The following ABR variants were observed in gnomAD, a reference collection of about 807,000 sequenced individuals.
The protein encoded by ABR is active breakpoint cluster region-related protein.
ABR carries 35 observed loss-of-function variants against 107.2 expected under a neutral mutation model. The ratio of observed to expected loss-of-function variants is 0.33; its 90% CI spans 0.25 to 0.43. The LOEUF is 0.43. Ranked by LOEUF, ABR falls within the 20% of genes least tolerant of loss-of-function variation. The probability of loss-of-function intolerance (pLI) is 1.00; values close to 1 mark genes in which losing one functional copy is unlikely to be tolerated. For synonymous variants in ABR, 498 were observed against 462.0 expected (o/e 1.08, Z -1.00); for missense variants, 815 against 1,115.2 (o/e 0.73, Z 3.83).
rs1491584152 is a variant in ABR, at chr17:1,076,736, GGT to G, written c.700+2592_700+2593del. Among the ~76,000 whole-genome samples the G allele has an allele frequency of 1.0e-3, 136 of 135,134 alleles. 4 individuals are homozygous for G. The highest frequency in any genetic ancestry group is 5.2e-3 in the East Asian group (22 of 4,258). The allele number at this position is 135,134 out of a possible 152,430, so 88.7% of individuals were successfully genotyped here. A position where few individuals can be genotyped will look rare whatever the true frequency, so the allele number is the denominator to read the frequency against. ...GCACGGGGGGGGTGGGGGTGGGGGG[GGT>G]GGCGGCACTGGGACCACATCAGATA... is the stretch of plus-strand genomic sequence containing the variant. On this transcript the variant is annotated intron_variant, in intron 6 of 22. Transcript: ENST00000302538.
Position 1,150,211 on chromosome 17 carries a change from T to C in ABR, c.62-24844A>G, listed in dbSNP as rs1190005872. On this transcript the variant is annotated intron_variant, in intron 1 of 22. Transcript: ENST00000302538. The surrounding 1 kb of genome is among the most constrained non-coding windows in gnomAD (Gnocchi z 4.8). ...ACCGCGCCCGGCCTGTGTCAGAATT[T>C]TTTTTGTTACCCACCTGACAAAGCT... 5.3e-5 allele frequency among the ~76,000 whole-genome samples: 8 copies of C among 152,074 alleles called. No individual in the cohort carries two copies. The highest frequency in any genetic ancestry group is 1.2e-4 in the Non-Finnish European group (8 of 68,026).
intron 16 of ABR, chr17:1,031,812 G>A (rs887248526): frequency 4.1e-6 from 5 of 1,227,850 alleles, no homozygotes; most frequent in Non-Finnish European, 5.1e-6. Context: ...TGCCAGTCCC[G>A]CTAGTTCCCT....
At chr17:1,103,230 C>T (rs1055553809) in intron 2 of ABR, among the ~76,000 whole-genome samples, 3 of 152,118 alleles carry the variant, frequency 2.0e-5, no homozygotes, top group South Asian at 2.1e-4. Context: ...CAGGTGTTAT[C>T]ATCTTCCTGA....
intron 10 of ABR, among the ~76,000 whole-genome samples, chr17:1,065,093 C>T (rs370467271): frequency 3.5e-4 from 31 of 88,018 alleles, no homozygotes; most frequent in Admixed American, 5.0e-4. Flanking sequence ...TTCCTCTAGA[C>T]GCTGCTGTTA....
chr17:1,153,862 A>G (rs2040931140), intron 1 of ABR: 1 of 207,500 alleles, frequency 4.8e-6, no homozygotes, highest in East Asian at 1.8e-4. Flanking sequence ...CACGCATCAC[A>G]TGGTGAGAAA....
At chr17:1,109,010 A>C (rs777232982) in intron 2 of ABR, 1 of 1,597,990 alleles carries the variant, frequency 6.3e-7, no homozygotes. Context: ...CAGGAGAAAC[A>C]CATCTTCGTC....
At chr17:1,056,615 A>G (rs756618092) in intron 13 of ABR, among the ~76,000 whole-genome samples, 17 of 152,122 alleles carry the variant, frequency 1.1e-4, no homozygotes, top group Non-Finnish European at 2.2e-4. Flanking sequence ...CCGGGCTTAC[A>G]GCATGAATTC....
chr17:1,091,307 C>T (rs1208969556), intron 4 of ABR, among the ~76,000 whole-genome samples: 6 of 151,704 alleles, frequency 4.0e-5, no homozygotes, highest in Admixed American at 1.3e-4. Context: ...GAGCACCGTC[C>T]GGGAAAGACG....
intron 4 of ABR, among the ~76,000 whole-genome samples, chr17:1,088,840 TGG>T (rs2036811892): frequency 6.6e-6 from 1 of 151,116 alleles, no homozygotes; most frequent in South Asian, 2.1e-4. Context: ...CCGCCCACCT[TGG>T]CCTCCCAAAG....
chr17:1,013,127 G>C lies in ABR; in HGVS notation c.1829C>G (p.Thr610Arg). The change falls in exon 17 of 23, where the codon ACG becomes AGG. Residue 610 changes from threonine to arginine, a missense_variant. This residue lies in a region of ABR where 92 missense variants were observed against 82.3 expected (regional missense o/e 1.12). Coordinates refer to ENST00000302538, the MANE Select transcript of ABR (RefSeq NM_021962.5). ...PQTVETKNWH[T>R]DVIEMNGIKV... ...CACCCCGTTCATCTCAATCACGTCC[G>C]TGTGCCAGTTCTTGGTCTCCACGGT... 1.2e-6 allele frequency: 2 copies of C among 1,614,116 alleles called. No homozygotes were observed. The highest frequency in any genetic ancestry group is 1.7e-6 in the Non-Finnish European group (2 of 1,180,014).
At chr17:1,067,948 T>C (rs1306426361) in intron 9 of ABR, among the ~76,000 whole-genome samples, 1 of 152,234 alleles carries the variant, frequency 6.6e-6, no homozygotes, top group African/African-American at 2.4e-5. Context: ...ATTTTTATTT[T>C]GTGAGATGGA....
intron 4 of ABR, among the ~76,000 whole-genome samples, chr17:1,085,110 CTTTTTTT>C (rs1230702293): frequency 1.6e-5 from 2 of 126,128 alleles, no homozygotes; most frequent in Non-Finnish European, 3.3e-5. Context: ...CCAATTAAAA[CTTTTTTT>C]TTTTTTTTTT....
intron 3 of ABR, among the ~76,000 whole-genome samples, chr17:1,095,041 C>T (rs569729648): frequency 1.3e-5 from 2 of 152,310 alleles, no homozygotes; most frequent in East Asian, 3.9e-4. Flanking sequence ...CAACGCAGGA[C>T]CCCACGGAGG....
intron 4 of ABR, among the ~76,000 whole-genome samples, chr17:1,090,214 A>C (rs1286815171): frequency 6.6e-6 from 1 of 152,234 alleles, no homozygotes; most frequent in African/African-American, 2.4e-5. Flanking sequence ...GAGAACAGAA[A>C]GTCCAGTGTC....
chr17:1,064,629 T>C (rs2034485150), intron 10 of ABR, among the ~76,000 whole-genome samples: 1 of 128,032 alleles, frequency 7.8e-6, no homozygotes, highest in South Asian at 2.8e-4. Flanking sequence ...ACACTGTTGT[T>C]ATGTGAACTG....
chr17:1,041,525 G>C (rs1382086636), intron 16 of ABR, among the ~76,000 whole-genome samples: 5 of 151,970 alleles, frequency 3.3e-5, no homozygotes, highest in African/African-American at 4.8e-5. Context: ...ACAAGGTCAG[G>C]AGTTCGAGAC....
Position 1,196,232 on chromosome 17 carries a change from C to T in ABR, c.838+32561G>A, listed in dbSNP as rs767821507. ...ATCACCTGAGGTCAGGAGTTCAAGA[C>T]CAGCCTGGCCAACATGGCGAAACCC... On this transcript the variant is annotated intron_variant, in intron 1 of 22. Transcript: ENST00000574139. 5.5e-3 allele frequency among the ~76,000 whole-genome samples: 820 copies of T among 148,694 alleles called. 4 individuals are homozygous for T. Among genetic ancestry groups the T allele is most frequent in the African/African-American group, 0.017 (668 of 38,730 alleles).
At chr17:1,013,300 T>C (rs2070801873) in intron 16 of ABR, 136 bp from the exon 17 acceptor site, 1 of 878,288 alleles carries the variant, frequency 1.1e-6, no homozygotes, top group Middle Eastern at 2.3e-4. Flanking sequence ...AGCTGATGTT[T>C]ACCTGGAAAT....
At chr17:1,049,830 G>A (rs558272985) in intron 16 of ABR, 291 of 568,016 alleles carry the variant, frequency 5.1e-4, no homozygotes, top group Non-Finnish European at 7.0e-4. Flanking sequence ...TTGCAGAAGC[G>A]CAGATGACCC....
Sources: gnomAD v4.1 joint callset for allele counts (sites outside exome capture counted in the v4.1 genomes callset) on GRCh38, gnomAD v4.1.1 for gene constraint, gnomAD v4.1.1 regional missense constraint, Gnocchi (gnomAD v3.1) non-coding constraint, MANE v1.5 for transcripts, NCBI Gene and HGNC (gene_info 2026-07-23, HGNC 2026-07-21) for gene names.